CHRDL2: variants seen among roughly 807,000 people sequenced by gnomAD.
The protein encoded by CHRDL2 is chordin like 2.
In CHRDL2, 41 loss-of-function variants were observed where a neutral mutation model predicts 54.3. That is an observed-to-expected ratio of 0.76 (90% CI 0.59 to 0.98). CHRDL2 has a LOEUF of 0.98. CHRDL2 is among the 50% of genes least tolerant of loss of function. CHRDL2 has a pLI of 0.00. For missense variants in CHRDL2, 518 were observed against 562.4 expected (o/e 0.92, Z 0.80); for synonymous variants, 220 against 224.3 (o/e 0.98, Z 0.17).
At chr11:74,706,214 T>C (rs1308489550) in intron 6 of CHRDL2, among the ~76,000 whole-genome samples, 7 of 152,104 alleles carry the variant, frequency 4.6e-5, no homozygotes, top group Non-Finnish European at 1.0e-4. Context: ...TCAAAGTGTT[T>C]CTCAAGAGGA....
In CHRDL2 at chr11:74,704,467, A is replaced by G. The variant is rs769202683; in HGVS notation, c.751+19T>C. The G allele has an allele frequency of 6.3e-7, 1 of 1,583,100 alleles. No individual in the cohort carries two copies. Among genetic ancestry groups the G allele is most frequent in the African/African-American group, 1.4e-5 (1 of 72,948 alleles). ...CCCCCTTCCCTGCCTCACAGATTGGAGGAGGGTCCAGTCCCCACCTTTCTT... is the reference window on the plus strand; with the variant it reads ...CCCCCTTCCCTGCCTCACAGATTGGGGGAGGGTCCAGTCCCCACCTTTCTT... On this transcript the variant is annotated intron_variant, in intron 7 of 10. Transcript: ENST00000376332.
At chr11:74,728,764 T>C (rs1272898099) in intron 1 of CHRDL2, among the ~76,000 whole-genome samples, 1 of 152,176 alleles carries the variant, frequency 6.6e-6, no homozygotes, top group Non-Finnish European at 1.5e-5. Context: ...ACTCTAAGTA[T>C]AGGTATATTG....
intron 3 of CHRDL2, among the ~76,000 whole-genome samples, chr11:74,711,400 TC>T (rs536309248): frequency 6.6e-6 from 1 of 152,002 alleles, no homozygotes; most frequent in African/African-American, 2.4e-5. Flanking sequence ...AGCAAAAGAG[TC>T]CCTGCCCTCA....
At chr11:74,725,117 C>T (rs1433290656) in intron 1 of CHRDL2, among the ~76,000 whole-genome samples, 2 of 152,036 alleles carry the variant, frequency 1.3e-5, no homozygotes, top group Non-Finnish European at 2.9e-5. Flanking sequence ...CCTCAGCCTC[C>T]GAGTAGCTGG....
intron 4 of CHRDL2, among the ~76,000 whole-genome samples, chr11:74,709,726 G>T (rs2034124335): frequency 1.3e-5 from 2 of 152,188 alleles, no homozygotes; most frequent in Admixed American, 6.5e-5. Flanking sequence ...GGTCACACAG[G>T]GAACTGGGAC....
chr11:74,713,933 G>C (rs979634699), intron 2 of CHRDL2, among the ~76,000 whole-genome samples: 1 of 152,150 alleles, frequency 6.6e-6, no homozygotes, highest in Non-Finnish European at 1.5e-5. Context: ...AAGACGGATG[G>C]CTTTATGATC....
At chr11:74,712,558 C>T (rs1453352116) in intron 3 of CHRDL2, among the ~76,000 whole-genome samples, 1 of 152,154 alleles carries the variant, frequency 6.6e-6, no homozygotes, top group Non-Finnish European at 1.5e-5. Flanking sequence ...ATCTCTATGA[C>T]CCATGTAGGG....
chr11:74,702,840 G>C lies in CHRDL2; in HGVS notation c.1074C>G (p.His358Gln). The C allele has an allele frequency of 6.2e-7, 1 of 1,614,068 alleles. No homozygotes were observed. The highest frequency in any genetic ancestry group is 8.5e-7 in the Non-Finnish European group (1 of 1,180,006). The change falls in exon 9 of 11, where the codon CAC (histidine) becomes CAG (glutamine). Residue 358 changes from histidine to glutamine, a missense_variant. Physicochemically the swap from His to Gln is conservative, Grantham distance 24. Coordinates refer to ENST00000376332, the MANE Select transcript of CHRDL2 (RefSeq NM_001278473.3). ...PDNLRRFALE[H>Q]EASDLVEIYL... The stretch of plus-strand genomic sequence containing the variant: ...AGATCTCCACCAAGTCCGAGGCCTC[G>C]TGTTCCAGGGCAAAGCGACGCAGGT...
chr11:74,718,904 T>C (rs761604758), intron 1 of CHRDL2, 72 bp from the exon 2 acceptor site: 1 of 924,720 alleles, frequency 1.1e-6, no homozygotes, highest in African/African-American at 1.7e-5. Context: ...TTTCTCCTTC[T>C]TTCTAGCTCT....
At chr11:74,721,311 C>T (rs1191975353) in intron 1 of CHRDL2, among the ~76,000 whole-genome samples, 2 of 152,230 alleles carry the variant, frequency 1.3e-5, no homozygotes, top group African/African-American at 4.8e-5. Flanking sequence ...GAAGCCCTGT[C>T]CTCCCTTCCT....
At chr11:74,711,483 G>GC (rs888739044) in intron 3 of CHRDL2, among the ~76,000 whole-genome samples, 10 of 152,040 alleles carry the variant, frequency 6.6e-5, no homozygotes, top group African/African-American at 2.4e-4. Flanking sequence ...TCATTCACTG[G>GC]CCCCCAGAGC....
intron 9 of CHRDL2, among the ~76,000 whole-genome samples, chr11:74,700,536 C>T (rs779543768): frequency 4.1e-4 from 63 of 152,024 alleles, no homozygotes; most frequent in Non-Finnish European, 6.5e-4. Context: ...CTCCATGTCC[C>T]GGCACTTAGT....
intron 2 of CHRDL2, among the ~76,000 whole-genome samples, chr11:74,716,490 G>GCA (rs2034355128): frequency 7.0e-6 from 1 of 143,756 alleles, no homozygotes; most frequent in South Asian, 2.2e-4. Flanking sequence ...AGCCAAGATT[G>GCA]CACCGCTGCA....
In CHRDL2 at chr11:74,704,832, G is replaced by A. The variant is rs1202544812; in HGVS notation, c.583-178C>T. 8 of 646,704 alleles carry A rather than the reference G, an allele frequency of 1.2e-5. No homozygotes were observed. In the East Asian group the frequency reaches 2.4e-4, roughly 20 times the overall value. The allele number at this position is 646,704 out of a possible 1,614,324, so 40.1% of individuals were successfully genotyped here. A position where few individuals can be genotyped will look rare whatever the true frequency, so the allele number is the denominator to read the frequency against. On this transcript the variant is annotated intron_variant, in intron 6 of 10. Transcript: ENST00000376332. Reference sequence around the variant, plus strand: ...CTGGATGAGGTCTAAGATGTTTTCAGACAGTTCGATCTTTGAAAACTCTCA... The same window carrying A: ...CTGGATGAGGTCTAAGATGTTTTCAAACAGTTCGATCTTTGAAAACTCTCA...
intron 9 of CHRDL2, 48 bp from the exon 10 acceptor site, chr11:74,697,345 T>C (rs766800947): frequency 7.1e-7 from 1 of 1,411,076 alleles, no homozygotes; most frequent in Non-Finnish European, 1.0e-6. Flanking sequence ...AAACCTACAG[T>C]CGGTGAAAAG....
Position 74,718,786 on chromosome 11 carries a change from G to A in CHRDL2, c.129C>T (p.Gly43=), listed in dbSNP as rs142054086. ...CLFHGKRYSP[G]ESWHPYLEPQ... is the part of the protein sequence containing the mutation. ...GCTCCAAGTAGGGGTGCCAGCTCTC[G>A]CCGGGGGAGTATCTCTTCCCATGGA... The change falls in exon 2 of 11, where the codon GGC becomes GGT. Residue 43 remains glycine (G), a synonymous_variant. Transcript: ENST00000376332. 1.5e-4 allele frequency: 241 copies of A among 1,613,494 alleles called. No individual in the cohort carries two copies. Among genetic ancestry groups the A allele is most frequent in the African/African-American group, 5.5e-4 (41 of 74,914 alleles).
chr11:74,709,035 C>T (rs749565222), intron 4 of CHRDL2, among the ~76,000 whole-genome samples: 42 of 152,358 alleles, frequency 2.8e-4, no homozygotes, highest in Non-Finnish European at 5.1e-4. Context: ...CAAGGCACAA[C>T]GTGCCTGGGG....
At chr11:74,722,949 G>A (rs564359282) in intron 1 of CHRDL2, among the ~76,000 whole-genome samples, 14 of 152,278 alleles carry the variant, frequency 9.2e-5, no homozygotes, top group African/African-American at 3.4e-4. Context: ...GCAAAGGAAA[G>A]CCATGGAAAA....
chr11:74,711,935 G>C (rs750670450), intron 3 of CHRDL2, among the ~76,000 whole-genome samples: 9 of 151,826 alleles, frequency 5.9e-5, no homozygotes, highest in Non-Finnish European at 1.3e-4. Context: ...TCAGCCTCCT[G>C]AGTAGCTGGG....
Sources: allele counts gnomAD v4.1 joint callset (sites outside exome capture counted in the v4.1 genomes callset), GRCh38; gene constraint gnomAD v4.1.1; transcripts MANE v1.5; gene names NCBI Gene and HGNC (gene_info 2026-07-23, HGNC 2026-07-21).